UBE3B: variants seen among roughly 807,000 people sequenced by gnomAD.
UBE3B encodes the protein ubiquitin-protein ligase E3B.
UBE3B carries 80 observed loss-of-function variants against 132.3 expected under a neutral mutation model. That is an observed-to-expected ratio of 0.60 (90% CI 0.50 to 0.73). The LOEUF is 0.73. Among genes scored for constraint, UBE3B ranks in the 30% least tolerant of loss-of-function variants. UBE3B has a pLI of 0.00. For synonymous variants in UBE3B, 487 were observed against 520.4 expected (o/e 0.94, Z 0.87); for missense variants, 1,196 against 1,362.5 (o/e 0.88, Z 1.92).
chr12:109,501,304 G>C, intron 12 of UBE3B, 67 bp from the exon 13 acceptor site: 1 of 1,597,108 alleles, frequency 6.3e-7, no homozygotes, highest in South Asian at 1.1e-5. Flanking sequence ...ATTAGGAACT[G>C]TGTGGGCTGG....
rs746154533 is a variant in UBE3B, at chr12:109,516,863, C to T, written c.2055C>T (p.Ile685=). Residue 685 remains isoleucine (I), a synonymous_variant, in exon 19 of 28, where the codon ATC becomes ATT. Transcript: ENST00000342494. ...SASPHVTHIT[I]RRSRMLEDGY... ...CCCCGCATGTCACTCACATCACCATCCGCCGGTCCAGGATGCTGGAGGTGA... is the reference window on the plus strand; with the variant it reads ...CCCCGCATGTCACTCACATCACCATTCGCCGGTCCAGGATGCTGGAGGTGA... 2 of 1,614,054 alleles carry T rather than the reference C, an allele frequency of 1.2e-6. No homozygotes were observed. Among genetic ancestry groups the T allele is most frequent in the Non-Finnish European group, 1.7e-6 (2 of 1,180,014 alleles).
chr12:109,527,370 G>T (rs765442198), intron 24 of UBE3B, among the ~76,000 whole-genome samples: 9 of 152,228 alleles, frequency 5.9e-5, no homozygotes, highest in Non-Finnish European at 1.2e-4. Flanking sequence ...CCCCTTGTCA[G>T]TTTATCAATC....
intron 18 of UBE3B, among the ~76,000 whole-genome samples, chr12:109,513,558 G>A (rs1880624374): frequency 6.6e-6 from 1 of 152,180 alleles, no homozygotes; most frequent in African/African-American, 2.4e-5. Context: ...GACTGCTAGG[G>A]ATTTCTTTTG....
In UBE3B at chr12:109,533,544, G is replaced by T. The variant is rs778021178; in HGVS notation, c.3001G>T (p.Val1001Leu). Residue 1001 changes from valine (V) to leucine (L), a missense_variant, in exon 27 of 28, where the codon GTG (valine) becomes TTG (leucine). Physicochemically the swap from Val to Leu is conservative, Grantham distance 32. Transcript: ENST00000342494. The part of the protein sequence containing the change: ...KPPFSIRCVE[V>L]SDDQDTGDTL... ...TCCATTCTCCATCCGCTGCGTGGAG[G>T]TGTCGGACGATCAGGTACCCCCACG... The T allele has an allele frequency of 2.5e-6, 4 of 1,613,640 alleles. No homozygotes were observed. In the South Asian group the frequency reaches 4.4e-5, roughly 18 times the overall value.
At chr12:109,496,545 A>G (rs1056988636) in intron 9 of UBE3B, among the ~76,000 whole-genome samples, 2 of 152,142 alleles carry the variant, frequency 1.3e-5, no homozygotes, top group Non-Finnish European at 2.9e-5. Flanking sequence ...ATCCTTGCCA[A>G]TACTTGTTAT....
chr12:109,542,854 T>C, the UBE3B span, among the ~76,000 whole-genome samples: 1 of 152,202 alleles, frequency 6.6e-6, no homozygotes, highest in African/African-American at 2.4e-5. Flanking sequence ...GCTGCTTAAG[T>C]CCCCGAGTTT....
rs749558915 is a variant in UBE3B, at chr12:109,522,708, A to T, written c.2364+1157A>T. ...CTCTGTCTGGAAACAGTCTATGTGC[A>T]CCGGCCTCAGTCCCTGGCCATGATG... On this transcript the variant is annotated intron_variant, in intron 21 of 27. Coordinates refer to ENST00000342494, the MANE Select transcript of UBE3B (RefSeq NM_130466.4). The surrounding 1 kb of genome is among the most constrained non-coding windows in gnomAD (Gnocchi z 4.2). Among the ~76,000 whole-genome samples the T allele has an allele frequency of 3.3e-5, 5 of 152,158 alleles. No individual in the cohort carries two copies. Among genetic ancestry groups the T allele is most frequent in the Non-Finnish European group, 4.4e-5 (3 of 68,020 alleles).
chr12:109,484,944 ATAGGGTTT>A lies in UBE3B; in HGVS notation c.282+966_282+973del, dbSNP rs142985308. Among the ~76,000 whole-genome samples, 1,400 of 151,798 alleles carry A rather than the reference ATAGGGTTT, an allele frequency of 9.2e-3. 12 individuals are homozygous for A. Among genetic ancestry groups the A allele is most frequent in the Non-Finnish European group, 0.014 (971 of 67,972 alleles). On this transcript the variant is annotated intron_variant, in intron 4 of 27. Coordinates refer to ENST00000342494, the MANE Select transcript of UBE3B (RefSeq NM_130466.4). ...GCAAGTTTTTGTATTTTTTGTAGAG[ATAGGGTTT>A]TACCTTATTGCCCAGGCTTGTCTCA...
chr12:109,487,162 C>T (rs560874792), intron 6 of UBE3B, among the ~76,000 whole-genome samples: 206 of 152,224 alleles, frequency 1.4e-3, no homozygotes, highest in African/African-American at 4.8e-3. Flanking sequence ...TTCAAAAATC[C>T]AGGTTTCTTG....
Position 109,521,324 on chromosome 12 carries a change from G to T in UBE3B, c.2253G>T (p.Lys751Asn), listed in dbSNP as rs1272155582. ...TTGACCCAGCACTCAATCTGTTCAA[G>T]GTATTTAAGGGGAGCAACAGCAGGG... Reference protein sequence around the residue: ...RVFDPALNLFKTTSGDERLYP... With the variant: ...RVFDPALNLFNTTSGDERLYP... The change falls in exon 20 of 28, where the codon AAG becomes AAT. Residue 751 changes from lysine to asparagine, a missense_variant and splice_region_variant. Transcript: ENST00000342494. The surrounding 1 kb of genome is among the most constrained non-coding windows in gnomAD (Gnocchi z 4.2). 1 of 1,612,144 alleles carries T rather than the reference G, an allele frequency of 6.2e-7. No individual in the cohort carries two copies. Among genetic ancestry groups the T allele is most frequent in the South Asian group, 1.1e-5 (1 of 91,056 alleles).
At chr12:109,488,841 A>G (rs1031332767) in intron 7 of UBE3B, among the ~76,000 whole-genome samples, 173 bp downstream of exon 7, 3 of 152,140 alleles carry the variant, frequency 2.0e-5, no homozygotes, top group African/African-American at 4.8e-5. Context: ...AGTATCCACA[A>G]TCCATTCAGC....
intron 4 of UBE3B, among the ~76,000 whole-genome samples, chr12:109,484,644 C>T (rs926289266): frequency 2.0e-5 from 3 of 152,126 alleles, no homozygotes; most frequent in Non-Finnish European, 4.4e-5. Context: ...CCCGCCTCAG[C>T]CTCCCAGAGT....
intron 18 of UBE3B, among the ~76,000 whole-genome samples, chr12:109,512,457 C>G (rs1469420551): frequency 6.6e-6 from 1 of 152,140 alleles, no homozygotes; most frequent in African/African-American, 2.4e-5. Context: ...AAGCATGGCT[C>G]ACGTCCCTGG....
chr12:109,478,550 G>A (rs542860050), intron 1 of UBE3B, among the ~76,000 whole-genome samples: 3 of 152,324 alleles, frequency 2.0e-5, no homozygotes, highest in South Asian at 4.1e-4. Context: ...GGAGGCCGAG[G>A]CGGGCGGATC....
intron 14 of UBE3B, 67 bp downstream of exon 14, chr12:109,503,257 C>T: frequency 2.6e-6 from 4 of 1,563,618 alleles, no homozygotes; most frequent in Middle Eastern, 1.7e-4. Context: ...TAGCAAAAGT[C>T]GATGTTTTTT....
the UBE3B span, among the ~76,000 whole-genome samples, chr12:109,542,985 T>C: frequency 6.6e-6 from 1 of 152,174 alleles, no homozygotes; most frequent in South Asian, 2.1e-4. Context: ...CTTGGGCTGG[T>C]GGGCATCACA....
At chr12:109,491,221 C>A in intron 9 of UBE3B, 94 bp downstream of exon 9, 1 of 1,187,776 alleles carries the variant, frequency 8.4e-7, no homozygotes, top group Non-Finnish European at 1.2e-6. Flanking sequence ...TAGGTATAGA[C>A]TTGCCCATTT....
intron 13 of UBE3B, among the ~76,000 whole-genome samples, chr12:109,502,492 T>G (rs535575586): frequency 1.3e-5 from 2 of 152,182 alleles, no homozygotes. Context: ...TTCTACTGAG[T>G]GTGTTGCAAA....
Position 109,521,679 on chromosome 12 carries a change from C to A in UBE3B, c.2364+128C>A, listed in dbSNP as rs1020494254. On this transcript the variant is annotated intron_variant, in intron 21 of 27. Coordinates refer to ENST00000342494, the MANE Select transcript of UBE3B (RefSeq NM_130466.4). The surrounding 1 kb of genome is among the most constrained non-coding windows in gnomAD (Gnocchi z 4.2). ...ACTAGGATACAAGCGAGGACAGGGG[C>A]AGGAACCAAGGTTTGTTGTACACCA... 2.4e-6 allele frequency: 2 copies of A among 835,796 alleles called. No individual in the cohort carries two copies. The highest frequency in any genetic ancestry group is 3.5e-6 in the Non-Finnish European group (2 of 567,212). The allele number at this position is 835,796 out of a possible 1,614,324, so 51.8% of individuals were successfully genotyped here. A position where few individuals can be genotyped will look rare whatever the true frequency, so the allele number is the denominator to read the frequency against.
Sources: allele counts gnomAD v4.1 joint callset (sites outside exome capture counted in the v4.1 genomes callset), GRCh38; gene constraint gnomAD v4.1.1; non-coding constraint Gnocchi (gnomAD v3.1); transcripts MANE v1.5; gene names NCBI Gene and HGNC (gene_info 2026-07-23, HGNC 2026-07-21).